HEATR5A: variants seen among roughly 807,000 people sequenced by gnomAD.
HEATR5A encodes the protein HEAT repeat-containing protein 5A.
In HEATR5A, 178 loss-of-function variants were observed where a neutral mutation model predicts 218.8. The ratio of observed to expected loss-of-function variants is 0.81; its 90% CI spans 0.72 to 0.92. The LOEUF is 0.92. Among genes scored for constraint, HEATR5A ranks in the 40% least tolerant of loss-of-function variants. The pLI, the probability that HEATR5A is intolerant of heterozygous loss-of-function variation, is 0.00. For missense variants in HEATR5A, 2,420 were observed against 2,418.9 expected (o/e 1.00, Z -0.01); for synonymous variants, 864 against 871.6 (o/e 0.99, Z 0.15).
chr14:31,397,054 T>C (rs1214471343), intron 4 of HEATR5A, among the ~76,000 whole-genome samples: 2 of 152,236 alleles, frequency 1.3e-5, no homozygotes, highest in African/African-American at 2.4e-5. Flanking sequence ...TTAATCATTT[T>C]CTTCAATCTT....
chr14:31,293,624 AC>A lies in HEATR5A; in HGVS notation c.5834-13del, dbSNP rs774442588. 6.3e-7 allele frequency: 1 copy of A among 1,584,958 alleles called. No individual in the cohort carries two copies. The highest frequency in any genetic ancestry group is 2.2e-5 in the East Asian group (1 of 44,716). On this transcript the variant is annotated splice_polypyrimidine_tract_variant and intron_variant, in intron 35 of 35. Transcript: ENST00000543095. ...CACCAGCTGAGCGCCTAGAAAGTAA[AC>A]AAATAATATAAGTTCAGTGACATAA...
In HEATR5A at chr14:31,386,395, T is replaced by A. The variant is rs1370934385; in HGVS notation, c.1345+25A>T. The A allele has an allele frequency of 4.4e-6, 7 of 1,597,572 alleles. No individual in the cohort carries two copies. In the Admixed American group the frequency reaches 1.2e-4, roughly 28 times the overall value. On this transcript the variant is annotated intron_variant, in intron 9 of 35. Coordinates refer to ENST00000543095, the MANE Select transcript of HEATR5A (RefSeq NM_015473.4). ...CAAAGTTATCTAGTGTACAAGGTAT[T>A]CCAATGAGTCACAAACAGATATACC...
chr14:31,349,165 G>C (rs760295778), intron 18 of HEATR5A, among the ~76,000 whole-genome samples: 1 of 152,006 alleles, frequency 6.6e-6, no homozygotes, highest in South Asian at 2.1e-4. Flanking sequence ...TGAGGCGGGC[G>C]GAACACAAGG....
At chr14:31,412,820 G>A (rs1253024353) in intron 1 of HEATR5A, among the ~76,000 whole-genome samples, 1 of 152,174 alleles carries the variant, frequency 6.6e-6, no homozygotes, top group East Asian at 1.9e-4. Context: ...GTTGTGGTGA[G>A]CCAAGATGAG....
intron 2 of HEATR5A, among the ~76,000 whole-genome samples, chr14:31,401,419 C>T (rs961241764): frequency 1.1e-4 from 16 of 152,264 alleles, no homozygotes; most frequent in Middle Eastern, 3.4e-3. Flanking sequence ...TTTCCTGAGG[C>T]CTCCCACTCA....
chr14:31,326,292 C>T lies in HEATR5A; in HGVS notation c.3418G>A (p.Asp1140Asn), dbSNP rs764658045. The T allele has an allele frequency of 3.4e-5, 55 of 1,613,264 alleles. 1 individual carries two copies. In the South Asian group the frequency reaches 6.0e-4, roughly 18 times the overall value. ...GLEGALLILL[D>N]KETDERLCHD... ...CATAATCTCTCATCTGTCTCCTTGTCTAGTAAGATCAACAATGCCCCCTCA... is the reference window on the plus strand; with the variant it reads ...CATAATCTCTCATCTGTCTCCTTGTTTAGTAAGATCAACAATGCCCCCTCA... The change falls in exon 23 of 36, where the codon GAC (aspartate) becomes AAC (asparagine). Residue 1140 changes from aspartate (D) to asparagine (N), a missense_variant. Physicochemically the swap from Asp to Asn is conservative, Grantham distance 23. Transcript: ENST00000543095.
chr14:31,387,745 A>C (rs1251435210), intron 7 of HEATR5A, among the ~76,000 whole-genome samples: 2 of 152,130 alleles, frequency 1.3e-5, no homozygotes, highest in African/African-American at 4.8e-5. Flanking sequence ...TATTTTTAGT[A>C]GAGACGGGGT....
chr14:31,403,804 G>T (rs986045926), intron 1 of HEATR5A, among the ~76,000 whole-genome samples: 1 of 152,136 alleles, frequency 6.6e-6, no homozygotes, highest in African/African-American at 2.4e-5. Flanking sequence ...CATCTCCTGG[G>T]TACACCTTAG....
chr14:31,347,749 T>C lies in HEATR5A; in HGVS notation c.2867A>G (p.Gln956Arg), dbSNP rs746262370. Residue 956 changes from glutamine to arginine, a missense_variant and splice_region_variant, in exon 19 of 36, where the codon CAG (glutamine) becomes CGG (arginine). Gln to Arg is a conservative substitution (Grantham distance 43). Transcript: ENST00000543095. ...GGAAGTATCACATGAGGTACCCACC[T>C]GCACATCAGGAGAAGTGCTGTCCTG... ...LAQDSTSPDVQTWALHSLSLI... is the reference protein window; with the variant it reads ...LAQDSTSPDVRTWALHSLSLI... 1.3e-6 allele frequency: 2 copies of C among 1,590,284 alleles called. No homozygotes were observed. The highest frequency in any genetic ancestry group is 1.2e-5 in the South Asian group (1 of 85,140).
chr14:31,302,004 TG>T (rs1473023028), intron 33 of HEATR5A, among the ~76,000 whole-genome samples: 1 of 151,592 alleles, frequency 6.6e-6, no homozygotes, highest in Non-Finnish European at 1.5e-5. Flanking sequence ...GGCTGATTTT[TG>T]TATTTTTAGT....
chr14:31,371,830 A>G lies in HEATR5A; in HGVS notation c.1941T>C (p.Cys647=). 2 of 1,537,848 alleles carry G rather than the reference A, an allele frequency of 1.3e-6. No individual in the cohort carries two copies. Among genetic ancestry groups the G allele is most frequent in the Non-Finnish European group, 1.8e-6 (2 of 1,135,846 alleles). Residue 647 remains cysteine (C), a synonymous_variant, in exon 13 of 36, where the codon TGT becomes TGC. Coordinates refer to ENST00000543095, the MANE Select transcript of HEATR5A (RefSeq NM_015473.4). ...VTQRLLPPLP[C]AVDLLTQLSS... is the part of the protein sequence containing the mutation. ...CTTACTGAGTTAGCAAATCCACAGC[A>G]CAAGGAAGTGGTGGAAGAAGACGCT...
At chr14:31,371,710 T>TA in intron 13 of HEATR5A, 100 bp downstream of exon 13, 1 of 468,076 alleles carries the variant, frequency 2.1e-6, no homozygotes, top group South Asian at 6.0e-5. Flanking sequence ...CCTTCCTCCA[T>TA]AAAATCATTC....
At chr14:31,372,313 A>G (rs952312927) in intron 12 of HEATR5A, among the ~76,000 whole-genome samples, 1 of 152,108 alleles carries the variant, frequency 6.6e-6, no homozygotes, top group East Asian at 1.9e-4. Context: ...GTTATCTGAA[A>G]CAAATAGTGT....
intron 18 of HEATR5A, among the ~76,000 whole-genome samples, chr14:31,349,269 T>A (rs957609814): frequency 1.3e-5 from 2 of 151,926 alleles, no homozygotes. Context: ...ATGCCTGTAA[T>A]CCCAGCTACT....
intron 19 of HEATR5A, among the ~76,000 whole-genome samples, chr14:31,346,428 G>A (rs12892246): frequency 0.27 from 41,227 of 152,038 alleles, 6,901 homozygotes; most frequent in Non-Finnish European, 0.38. Context: ...GTAATTCAGA[G>A]GGGGAAAGCT....
rs751502493 is a variant in HEATR5A at position 31,326,045 on chromosome 14, TCAGA to T, written c.3547+114_3547+117del. 5.0e-5 allele frequency: 36 copies of T among 718,184 alleles called. 1 individual carries two copies. The highest frequency in any genetic ancestry group is 2.4e-4 in the South Asian group (14 of 58,808). The allele number at this position is 718,184 out of a possible 1,614,324, so 44.5% of individuals were successfully genotyped here. A position where few individuals can be genotyped will look rare whatever the true frequency, so the allele number is the denominator to read the frequency against. On this transcript the variant is annotated intron_variant, in intron 23 of 35. Transcript: ENST00000543095. The stretch of plus-strand genomic sequence containing the variant: ...ATCTTCATTTGAAGAAAAGCAACAA[TCAGA>T]CAGTCAGAATCCAGCTAGTTAGACA...
chr14:31,383,162 G>A (rs527430124), intron 10 of HEATR5A, among the ~76,000 whole-genome samples: 2 of 152,108 alleles, frequency 1.3e-5, no homozygotes, highest in Middle Eastern at 3.4e-3. Flanking sequence ...TGAATCTAAC[G>A]TATGGGACTT....
chr14:31,400,293 T>C lies in HEATR5A; in HGVS notation c.338+8A>G. On this transcript the variant is annotated splice_region_variant and intron_variant, in intron 3 of 35. Coordinates refer to ENST00000543095, the MANE Select transcript of HEATR5A (RefSeq NM_015473.4). ...TTGTTTTCTGTTCTGTTTTAATGTTTCACTTACAGCTTAGTGGGAAGATAA... is the reference window on the plus strand; with the variant it reads ...TTGTTTTCTGTTCTGTTTTAATGTTCCACTTACAGCTTAGTGGGAAGATAA... 1.3e-6 allele frequency: 2 copies of C among 1,514,902 alleles called. No homozygotes were observed. Among genetic ancestry groups the C allele is most frequent in the Non-Finnish European group, 1.8e-6 (2 of 1,128,718 alleles). 93.8% of individuals were successfully genotyped at this position (1,514,902 alleles called of 1,614,324 possible). A position where few individuals can be genotyped will look rare whatever the true frequency, so the allele number is the denominator to read the frequency against.
intron 10 of HEATR5A, among the ~76,000 whole-genome samples, chr14:31,382,945 C>T (rs2030055376): frequency 6.6e-6 from 1 of 151,572 alleles, no homozygotes; most frequent in South Asian, 2.1e-4. Context: ...TTATGTTGTG[C>T]ATTTCCTGCC....
Sources: gnomAD v4.1 joint callset for allele counts (sites outside exome capture counted in the v4.1 genomes callset) on GRCh38, gnomAD v4.1.1 for gene constraint, MANE v1.5 for transcripts, NCBI Gene and HGNC (gene_info 2026-07-23, HGNC 2026-07-21) for gene names.